The following VPS13D variants were observed in gnomAD, a reference collection of about 807,000 sequenced individuals.
VPS13D encodes the protein vacuolar protein sorting 13 homolog D.
Under a neutral mutation model 461.9 loss-of-function variants are expected in VPS13D, and 187 were observed. The observed-to-expected ratio is 0.40, with a 90% confidence interval of 0.36 to 0.46. The LOEUF is 0.46. Ranked by LOEUF, VPS13D falls within the 20% of genes least tolerant of loss-of-function variation. VPS13D has a pLI of 0.60. For synonymous variants in VPS13D, 1,951 were observed against 1,986.3 expected (o/e 0.98, Z 0.47); for missense variants, 4,711 against 5,364.9 (o/e 0.88, Z 3.81).
intron 25 of VPS13D, among the ~76,000 whole-genome samples, chr1:12,300,023 A>AC (rs1487504035): frequency 6.6e-6 from 1 of 150,924 alleles, no homozygotes; most frequent in African/African-American, 2.4e-5. Context: ...ATTCCCCCCA[A>AC]CCCCCCGACT....
chr1:12,292,435 CTTTTTTTTTTTT>C (rs886615855), intron 23 of VPS13D, among the ~76,000 whole-genome samples: 28 of 96,916 alleles, frequency 2.9e-4, no homozygotes, highest in Non-Finnish European at 4.9e-4. Flanking sequence ...TGCTCAGTCT[CTTTTTTTTTTTT>C]TTTTTTTTTT....
chr1:12,322,009 A>G (rs929023196), intron 33 of VPS13D, 45 bp downstream of exon 33: 4 of 1,604,874 alleles, frequency 2.5e-6, no homozygotes, highest in Non-Finnish European at 3.4e-6. Context: ...GCTCTCAAAC[A>G]CTGTCCTATG....
At chr1:12,439,919 A>G (rs1480054650) in intron 65 of VPS13D, among the ~76,000 whole-genome samples, 1 of 152,162 alleles carries the variant, frequency 6.6e-6, no homozygotes, top group Admixed American at 6.6e-5. Context: ...TCTGATTTCT[A>G]CTTTACTGTG....
At chr1:12,391,616 T>C (rs1644428297) in intron 60 of VPS13D, among the ~76,000 whole-genome samples, 1 of 152,170 alleles carries the variant, frequency 6.6e-6, no homozygotes, top group East Asian at 1.9e-4. Context: ...CTAATTTATA[T>C]ATTTTTTGGT....
rs532340990 is a variant in VPS13D at position 12,264,231 on chromosome 1, A to G, written c.1594+2151A>G. Among the ~76,000 whole-genome samples, 5 of 152,258 alleles carry G rather than the reference A, an allele frequency of 3.3e-5. No individual in the cohort carries two copies. In the East Asian group the frequency reaches 9.6e-4, roughly 29 times the overall value. On this transcript the variant is annotated intron_variant, in intron 13 of 69. Coordinates refer to ENST00000620676, the MANE Select transcript of VPS13D (RefSeq NM_015378.4). ...TTTCCTCTCCTGGGGCCTCCCTATT[A>G]CCTGAGACACAATGTTGAAATTGGG... is the stretch of plus-strand genomic sequence containing the variant.
chr1:12,469,438 A>C (rs1452163893), intron 67 of VPS13D, among the ~76,000 whole-genome samples: 1 of 152,214 alleles, frequency 6.6e-6, no homozygotes, highest in East Asian at 1.9e-4. Context: ...AAGACTTAAG[A>C]GATTTACAAA....
intron 35 of VPS13D, 125 bp downstream of exon 35, chr1:12,323,905 T>C (rs1445840424): frequency 1.1e-6 from 1 of 904,074 alleles, no homozygotes; most frequent in Non-Finnish European, 1.8e-6. Context: ...TTTATGTGTC[T>C]TCTCTGGACT....
intron 65 of VPS13D, among the ~76,000 whole-genome samples, chr1:12,444,850 G>A (rs1645173661): frequency 6.6e-6 from 1 of 152,066 alleles, no homozygotes; most frequent in Non-Finnish European, 1.5e-5. Context: ...AGATTTTAGA[G>A]GTTCTGGCCA....
intron 62 of VPS13D, 135 bp downstream of exon 62, chr1:12,401,839 A>C: frequency 7.7e-6 from 5 of 652,132 alleles, no homozygotes; most frequent in Non-Finnish European, 1.3e-5. Context: ...CTAGGAAGCT[A>C]AGGCTTGTGT....
chr1:12,489,814 A>C lies in VPS13D; in HGVS notation c.12663-7686A>C, dbSNP rs528784961. Among the ~76,000 whole-genome samples the C allele has an allele frequency of 5.0e-4, 76 of 152,146 alleles. No individual in the cohort carries two copies. The Middle Eastern group carries it at 0.014, about 27-fold the overall frequency. ...ATTGACTTATCTACTCCTCACAACA[A>C]CCCATCATTACCCCCACTTTATAGA... is the stretch of plus-strand genomic sequence containing the variant. On this transcript the variant is annotated intron_variant, in intron 67 of 69. Coordinates refer to ENST00000620676, the MANE Select transcript of VPS13D (RefSeq NM_015378.4).
chr1:12,232,246 C>T (rs181179005), intron 1 of VPS13D, among the ~76,000 whole-genome samples: 1 of 152,096 alleles, frequency 6.6e-6, no homozygotes, highest in Non-Finnish European at 1.5e-5. Context: ...AAAAGTTAAT[C>T]TTCTCTGGAA....
At chr1:12,346,898 T>G (rs1167907872) in intron 44 of VPS13D, among the ~76,000 whole-genome samples, 1 of 152,220 alleles carries the variant, frequency 6.6e-6, no homozygotes, top group Non-Finnish European at 1.5e-5. Context: ...AAATGTTTGG[T>G]CCAAGGTCTC....
At chr1:12,454,612 C>T (rs1454494573) in intron 65 of VPS13D, among the ~76,000 whole-genome samples, 1 of 152,248 alleles carries the variant, frequency 6.6e-6, no homozygotes, top group Non-Finnish European at 1.5e-5. Context: ...AGTCCCTCTT[C>T]TGTGCCCAGA....
At chr1:12,266,280 A>G (rs992726647) in intron 13 of VPS13D, among the ~76,000 whole-genome samples, 3 of 152,236 alleles carry the variant, frequency 2.0e-5, no homozygotes, top group African/African-American at 4.8e-5. Flanking sequence ...AAGAAATTCT[A>G]CTGTGGTTAA....
intron 67 of VPS13D, among the ~76,000 whole-genome samples, chr1:12,464,116 G>A (rs974641621): frequency 9.9e-5 from 15 of 152,182 alleles, no homozygotes; most frequent in Admixed American, 9.2e-4. Flanking sequence ...ATCACCGAGG[G>A]ATAAATCACC....
At chr1:12,503,993 G>A (rs568368169) in intron 68 of VPS13D, among the ~76,000 whole-genome samples, 1 of 152,108 alleles carries the variant, frequency 6.6e-6, no homozygotes, top group Non-Finnish European at 1.5e-5. Flanking sequence ...AGGGGAGGGC[G>A]GGGAGCGTGC....
chr1:12,318,919 A>C (rs181169527), intron 31 of VPS13D, among the ~76,000 whole-genome samples: 7 of 152,216 alleles, frequency 4.6e-5, no homozygotes, highest in Admixed American at 3.3e-4. Flanking sequence ...TGCGTTTTAC[A>C]TGAGTTCAGT....
At chr1:12,469,501 A>G (rs1645535634) in intron 67 of VPS13D, among the ~76,000 whole-genome samples, 1 of 152,226 alleles carries the variant, frequency 6.6e-6, no homozygotes, top group South Asian at 2.1e-4. Flanking sequence ...ACATGCCACC[A>G]GCCAACAAAC....
At position 12,283,027 on chromosome 1, in the gene VPS13D, T is replaced by A; in HGVS notation, c.4925T>A (p.Leu1642His). Reference sequence around the variant, plus strand: ...GATCTGACTTTGGGGGCCCAAGGTCTTGTGAGCTTAAAGTTTCAGGACTTT... The same window carrying A: ...GATCTGACTTTGGGGGCCCAAGGTCATGTGAGCTTAAAGTTTCAGGACTTT... ...SGDLTLGAQG[L>H]VSLKFQDFEV... The change falls in exon 21 of 70, where the codon CTT becomes CAT. Residue 1642 changes from leucine (L) to histidine (H), a missense_variant. By Grantham distance (99) the Leu-to-His change is moderately conservative. Coordinates refer to ENST00000620676, the MANE Select transcript of VPS13D (RefSeq NM_015378.4). 2 of 1,613,718 alleles carry A rather than the reference T, an allele frequency of 1.2e-6. No homozygotes were observed. Among genetic ancestry groups the A allele is most frequent in the Non-Finnish European group, 1.7e-6 (2 of 1,179,854 alleles).
Sources: allele counts gnomAD v4.1 joint callset (sites outside exome capture counted in the v4.1 genomes callset), GRCh38; gene constraint gnomAD v4.1.1; transcripts MANE v1.5; gene names NCBI Gene and HGNC (gene_info 2026-07-23, HGNC 2026-07-21).